The following DNAJA2 variants were observed in gnomAD, a reference collection of about 807,000 sequenced individuals.
DNAJA2 encodes DnaJ heat shock protein family (Hsp40) member A2, also known as dnaJ homolog subfamily A member 2.
In DNAJA2, 6 loss-of-function variants were observed where a neutral mutation model predicts 49.3. The ratio of observed to expected loss-of-function variants is 0.12; its 90% CI spans 0.07 to 0.24. The LOEUF (loss-of-function observed/expected upper bound fraction) is 0.24, where lower values mean the gene tolerates loss of function less well. DNAJA2 is among the 10% of genes least tolerant of loss of function. DNAJA2 has a pLI of 1.00. For missense variants in DNAJA2, 347 were observed against 516.8 expected (o/e 0.67, Z 3.19); for synonymous variants, 160 against 172.7 (o/e 0.93, Z 0.58).
At position 46,973,540 on chromosome 16, in the gene DNAJA2, G is replaced by A; in HGVS notation, c.33C>T (p.Asp11=). MANVADTKLY[D]ILGVPPGASE... is the part of the protein sequence containing the mutation. ...TGGCGCCGGGCGGGACGCCCAGGAT[G>A]TCGTACAGCTTCGTGTCAGCCACGT... Residue 11 remains aspartate, a synonymous_variant, in exon 1 of 9, where the codon GAC becomes GAT. Transcript: ENST00000317089. 6.2e-7 allele frequency: 1 copy of A among 1,602,948 alleles called. No homozygotes were observed. The highest frequency in any genetic ancestry group is 8.5e-7 in the Non-Finnish European group (1 of 1,177,890).
chr16:46,967,960 G>T (rs1047529917), intron 4 of DNAJA2, 124 bp downstream of exon 4: 1 of 948,262 alleles, frequency 1.1e-6, no homozygotes, highest in Non-Finnish European at 1.6e-6. Flanking sequence ...TGGGATTTCA[G>T]GTGTGAGCCA....
chr16:46,958,783 A>T (rs1444993934), intron 8 of DNAJA2: 1 of 443,250 alleles, frequency 2.3e-6, no homozygotes, highest in Non-Finnish European at 3.9e-6. Flanking sequence ...TGTCTCAAAA[A>T]ATTTTTTTTA....
intron 6 of DNAJA2, 39 bp from the exon 7 acceptor site, chr16:46,959,458 A>AT (rs773370843): frequency 1.6e-5 from 25 of 1,559,682 alleles, no homozygotes; most frequent in Non-Finnish European, 2.1e-5. Context: ...TTTCTTAAAA[A>AT]TTATGGAGGT....
rs891795800 is a variant in DNAJA2 at position 46,956,220 on chromosome 16, C to T, written c.*809G>A. ...CCTCTACAGAGCATCACTGAAGCCACTGAAGACTGTCTCTACCAGCCTTTT... is the reference window on the plus strand; with the variant it reads ...CCTCTACAGAGCATCACTGAAGCCATTGAAGACTGTCTCTACCAGCCTTTT... On this transcript the variant is annotated 3_prime_UTR_variant, in exon 9 of 9. Coordinates refer to ENST00000317089, the MANE Select transcript of DNAJA2 (RefSeq NM_005880.4). The T allele has an allele frequency of 6.6e-6, 1 of 152,132 alleles. No individual in the cohort carries two copies. The highest frequency in any genetic ancestry group is 2.4e-5 in the African/African-American group (1 of 41,436). 9.4% of individuals were successfully genotyped at this position (152,132 alleles called of 1,614,324 possible). A position where few individuals can be genotyped will look rare whatever the true frequency, so the allele number is the denominator to read the frequency against.
Position 46,957,063 on chromosome 16 carries a change from T to C in DNAJA2, c.1205A>G (p.His402Arg), listed in dbSNP as rs1488148044. The C allele has an allele frequency of 3.1e-6, 5 of 1,613,970 alleles. No homozygotes were observed. The highest frequency in any genetic ancestry group is 3.4e-6 in the Non-Finnish European group (4 of 1,180,004). The change falls in exon 9 of 9, where the codon CAT (histidine) becomes CGT (arginine). Residue 402 changes from histidine to arginine, a missense_variant. By Grantham distance (29) the His-to-Arg change is conservative. Transcript: ENST00000317089. ...GGCACACTGCACTCCAGGTCCATGATGGCTGCTGCTTTCTTCATCAGAGCT... is the reference window on the plus strand; with the variant it reads ...GGCACACTGCACTCCAGGTCCATGACGGCTGCTGCTTTCTTCATCAGAGCT... ...NDSSDEESSS[H>R]HGPGVQCAHQ
chr16:46,967,153 C>G (rs1961984084), intron 5 of DNAJA2, among the ~76,000 whole-genome samples: 1 of 152,142 alleles, frequency 6.6e-6, no homozygotes, highest in Non-Finnish European at 1.5e-5. Flanking sequence ...CTGGTATGAT[C>G]ACAGATCACT....
chr16:46,968,203 C>A, intron 3 of DNAJA2, 39 bp from the exon 4 acceptor site: 2 of 1,468,520 alleles, frequency 1.4e-6, no homozygotes, highest in Admixed American at 2.2e-5. Context: ...AATTTTGCCA[C>A]ATTTTGTCAA....
intron 5 of DNAJA2, among the ~76,000 whole-genome samples, chr16:46,967,269 T>G (rs1482540375): frequency 6.6e-6 from 1 of 152,036 alleles, no homozygotes; most frequent in Non-Finnish European, 1.5e-5. Flanking sequence ...TTCCACACTT[T>G]TTTTTCCTAT....
chr16:46,963,391 G>A (rs1315136296), intron 6 of DNAJA2, among the ~76,000 whole-genome samples: 1 of 151,964 alleles, frequency 6.6e-6, no homozygotes, highest in Non-Finnish European at 1.5e-5. Flanking sequence ...ACACTAGGCT[G>A]GGCACTGTGG....
intron 6 of DNAJA2, among the ~76,000 whole-genome samples, chr16:46,964,342 A>T (rs1961939681): frequency 6.6e-6 from 1 of 152,228 alleles, no homozygotes; most frequent in Admixed American, 6.5e-5. Flanking sequence ...ATTGCACTCC[A>T]GCCTGGGCAA....
intron 5 of DNAJA2, among the ~76,000 whole-genome samples, chr16:46,966,276 C>T (rs1292724994): frequency 6.6e-6 from 1 of 152,110 alleles, no homozygotes; most frequent in East Asian, 1.9e-4. Flanking sequence ...CCAAGACTCT[C>T]CAGGAAGGAA....
intron 8 of DNAJA2, among the ~76,000 whole-genome samples, chr16:46,957,675 C>T (rs1165326870): frequency 6.6e-6 from 1 of 152,076 alleles, no homozygotes; most frequent in African/African-American, 2.4e-5. Context: ...AAACTCATCA[C>T]TCACAGGCCA....
At position 46,970,794 on chromosome 16, in the gene DNAJA2, T is replaced by C. The variant is rs182783822; in HGVS notation, c.362+555A>G. Among the ~76,000 whole-genome samples, 350 of 133,486 alleles carry C rather than the reference T, an allele frequency of 2.6e-3. 1 individual carries two copies. Among genetic ancestry groups the C allele is most frequent in the African/African-American group, 9.1e-3 (337 of 36,974 alleles). 87.6% of individuals were successfully genotyped at this position (133,486 alleles called of 152,430 possible). A position where few individuals can be genotyped will look rare whatever the true frequency, so the allele number is the denominator to read the frequency against. ...TGGCTCACGCCTGTAATCCCAGCAC[T>C]TTGGGAGGCCGAGGCAGGCAGATCA... On this transcript the variant is annotated intron_variant, in intron 3 of 8. Transcript: ENST00000317089.
At chr16:46,961,112 T>C (rs984679189) in intron 6 of DNAJA2, among the ~76,000 whole-genome samples, 1 of 152,066 alleles carries the variant, frequency 6.6e-6, no homozygotes, top group African/African-American at 2.4e-5. Flanking sequence ...TCATACTATT[T>C]TAGGATGCAT....
Position 46,971,532 on chromosome 16 carries a change from G to C in DNAJA2, c.179C>G (p.Pro60Arg), listed in dbSNP as rs1317285538. ...ISFAYEVLSN[P>R]EKRELYDRYG... The stretch of plus-strand genomic sequence containing the variant: ...TCTGTCATATAACTCACGCTTCTCA[G>C]GATTTGATAGTACTTCATATGCAAA... The change falls in exon 3 of 9, where the codon CCT becomes CGT. Residue 60 changes from proline to arginine, a missense_variant. By Grantham distance (103) the Pro-to-Arg change is moderately radical. Transcript: ENST00000317089. 1.2e-6 allele frequency: 2 copies of C among 1,605,578 alleles called. No individual in the cohort carries two copies. The highest frequency in any genetic ancestry group is 1.7e-6 in the Non-Finnish European group (2 of 1,177,902).
At chr16:46,966,284 GA>G (rs1961969396) in intron 5 of DNAJA2, among the ~76,000 whole-genome samples, 1 of 152,258 alleles carries the variant, frequency 6.6e-6, no homozygotes, top group East Asian at 1.9e-4. Flanking sequence ...CTCCAGGAAG[GA>G]AATATCATAT....
At chr16:46,969,285 AAG>A (rs1386935389) in intron 3 of DNAJA2, among the ~76,000 whole-genome samples, 1 of 152,226 alleles carries the variant, frequency 6.6e-6, no homozygotes, top group Non-Finnish European at 1.5e-5. Context: ...TAGGCAGGAT[AAG>A]AATACCACAC....
At position 46,959,401 on chromosome 16, in the gene DNAJA2, T is replaced by G; in HGVS notation, c.793A>C (p.Asn265His). The G allele has an allele frequency of 6.2e-7, 1 of 1,611,924 alleles. No homozygotes were observed. The highest frequency in any genetic ancestry group is 8.5e-7 in the Non-Finnish European group (1 of 1,179,050). The change falls in exon 7 of 9, where the codon AAT becomes CAT. Residue 265 changes from asparagine to histidine, a missense_variant. Asn to His is a moderately conservative substitution (Grantham distance 68). Coordinates refer to ENST00000317089, the MANE Select transcript of DNAJA2 (RefSeq NM_005880.4). The part of the protein sequence containing the change: ...KEHEVFQRDG[N>H]DLHMTYKIGL... Reference sequence around the variant, plus strand: ...ATTTTATATGTCATGTGCAAATCATTCCCATCTCTCTGAAATACCTATAAA... The same window carrying G: ...ATTTTATATGTCATGTGCAAATCATGCCCATCTCTCTGAAATACCTATAAA...
Position 46,964,782 on chromosome 16 carries a change from G to A in DNAJA2, c.603C>T (p.Arg201=), listed in dbSNP as rs1488052099. 1 of 1,613,732 alleles carries A rather than the reference G, an allele frequency of 6.2e-7. No individual in the cohort carries two copies. Among genetic ancestry groups the A allele is most frequent in the Non-Finnish European group, 8.5e-7 (1 of 1,179,904 alleles). Residue 201 remains arginine (R), a synonymous_variant, in exon 6 of 9, where the codon CGC becomes CGT. Transcript: ENST00000317089. ...GEGEVINEKD[R]CKKCEGKKVI... is the part of the protein sequence containing the mutation. ...CCTTCTTCCCTTCACATTTTTTACA[G>A]CGGTCTTTTTCATTAATTACCTCTC...
Sources: allele counts gnomAD v4.1 joint callset (sites outside exome capture counted in the v4.1 genomes callset), GRCh38; gene constraint gnomAD v4.1.1; transcripts MANE v1.5; gene names NCBI Gene and HGNC (gene_info 2026-07-23, HGNC 2026-07-21).